The following RFX7 variants were observed in gnomAD, a reference collection of about 807,000 sequenced individuals.
RFX7 encodes the protein DNA-binding protein RFX7.
In RFX7, 26 loss-of-function variants were observed where a neutral mutation model predicts 111.8. That is an observed-to-expected ratio of 0.23 (90% CI 0.17 to 0.32). RFX7 has a LOEUF of 0.32. RFX7 is among the 10% of genes least tolerant of loss of function. The pLI, the probability that RFX7 is intolerant of heterozygous loss-of-function variation, is 1.00. For missense variants in RFX7, 1,573 were observed against 1,772.9 expected (o/e 0.89, Z 2.02); for synonymous variants, 624 against 624.4 (o/e 1.00, Z 0.01).
At chr15:56,186,006 C>T (rs2043034231) in intron 2 of RFX7, among the ~76,000 whole-genome samples, 1 of 152,068 alleles carries the variant, frequency 6.6e-6, no homozygotes, top group South Asian at 2.1e-4. Context: ...TTTAATGGTT[C>T]CAGACCAATT....
At chr15:56,173,492 G>T (rs1237231420) in intron 3 of RFX7, among the ~76,000 whole-genome samples, 1 of 152,154 alleles carries the variant, frequency 6.6e-6, no homozygotes, top group African/African-American at 2.4e-5. Context: ...AAATAAAATG[G>T]ACCACAGGCC....
rs889915400 is a variant in RFX7, at chr15:56,164,906, T to C, written c.195+14364A>G. 4.6e-5 allele frequency among the ~76,000 whole-genome samples: 7 copies of C among 152,238 alleles called. No individual in the cohort carries two copies. The South Asian group carries it at 8.3e-4, about 18-fold the overall frequency. On this transcript the variant is annotated intron_variant, in intron 3 of 9. Coordinates refer to ENST00000559447, the MANE Select transcript of RFX7 (RefSeq NM_022841.7). ...ACACTGTGCCAGTAGAGTTGGAAGG[T>C]AGAAAGAAAAAGTCTTTTAAAGCAA... is the stretch of plus-strand genomic sequence containing the variant.
chr15:56,106,318 G>T (rs1186252168), intron 5 of RFX7, among the ~76,000 whole-genome samples: 1 of 152,152 alleles, frequency 6.6e-6, no homozygotes, highest in African/African-American at 2.4e-5. Flanking sequence ...TACTCTGGTG[G>T]ATAAATATTA....
intron 2 of RFX7, among the ~76,000 whole-genome samples, chr15:56,190,802 T>C (rs1433913886): frequency 6.6e-6 from 1 of 151,884 alleles, no homozygotes; most frequent in East Asian, 1.9e-4. Context: ...AACTCTCTAA[T>C]ATGAAAGACA....
chr15:56,144,911 T>C lies in RFX7; in HGVS notation c.196-428A>G, dbSNP rs540867255. ...GCAAATTTTCTGTAGAACTATAAAATGAATGACATAATTTCTAGAATCCGT... is the reference window on the plus strand; with the variant it reads ...GCAAATTTTCTGTAGAACTATAAAACGAATGACATAATTTCTAGAATCCGT... On this transcript the variant is annotated intron_variant, in intron 3 of 9. Transcript: ENST00000559447. Among the ~76,000 whole-genome samples, 35 of 152,294 alleles carry C rather than the reference T, an allele frequency of 2.3e-4. No homozygotes were observed. The East Asian group carries it at 2.9e-3, about 13-fold the overall frequency.
chr15:56,204,552 G>T (rs1398856020), intron 2 of RFX7, among the ~76,000 whole-genome samples: 2 of 152,154 alleles, frequency 1.3e-5, no homozygotes, highest in African/African-American at 4.8e-5. Context: ...TGAGAATATT[G>T]TAGGCTAAAG....
rs2041602316 is a variant in RFX7, at chr15:56,092,029, T to A, written c.*1316A>T. On this transcript the variant is annotated 3_prime_UTR_variant, in exon 10 of 10. Coordinates refer to ENST00000559447, the MANE Select transcript of RFX7 (RefSeq NM_022841.7). Reference sequence around the variant, plus strand: ...ATCTTGAAACTCACTTAAATGGAGCTTTCAACCAGTGAGTAGGTTTGTGTC... The same window carrying A: ...ATCTTGAAACTCACTTAAATGGAGCATTCAACCAGTGAGTAGGTTTGTGTC... 1 of 152,330 alleles carries A rather than the reference T, an allele frequency of 6.6e-6. No individual in the cohort carries two copies. Among genetic ancestry groups the A allele is most frequent in the African/African-American group, 2.4e-5 (1 of 41,444 alleles). 9.4% of individuals were successfully genotyped at this position (152,330 alleles called of 1,614,324 possible).
At chr15:56,110,306 C>T (rs1322280401) in intron 5 of RFX7, among the ~76,000 whole-genome samples, 7 of 35,032 alleles carry the variant, frequency 2.0e-4, no homozygotes, top group Admixed American at 2.7e-4. Context: ...CCGCCCCGTC[C>T]GGGAGGGAGG....
Position 56,198,925 on chromosome 15 carries a change from C to T in RFX7, c.162-19622G>A, listed in dbSNP as rs536715039. On this transcript the variant is annotated intron_variant, in intron 2 of 9. Coordinates refer to ENST00000559447, the MANE Select transcript of RFX7 (RefSeq NM_022841.7). ...GCCTGTAACCCAGCACTTTGGGAGG[C>T]CAAGATGGAAGGATCACTTGAGGCC... 2.7e-3 allele frequency among the ~76,000 whole-genome samples: 412 copies of T among 151,808 alleles called. 5 individuals carry two copies. Among genetic ancestry groups the T allele is most frequent in the African/African-American group, 9.7e-3 (402 of 41,344 alleles).
intron 2 of RFX7, among the ~76,000 whole-genome samples, chr15:56,191,411 A>G (rs1413571910): frequency 6.6e-6 from 1 of 152,212 alleles, no homozygotes; most frequent in African/African-American, 2.4e-5. Context: ...CATTACTCCA[A>G]CTAGTTAAGA....
intron 2 of RFX7, chr15:56,193,084 T>C: frequency 4.0e-6 from 1 of 249,660 alleles, no homozygotes; most frequent in Non-Finnish European, 8.6e-6. Context: ...TTTTCTCAAT[T>C]CCCTCTTTAT....
At chr15:56,212,880 A>G (rs1314597472) in intron 2 of RFX7, among the ~76,000 whole-genome samples, 2 of 152,224 alleles carry the variant, frequency 1.3e-5, no homozygotes, top group African/African-American at 4.8e-5. Flanking sequence ...CAAATAGTAC[A>G]GATGTTTGTA....
At chr15:56,217,165 A>C (rs1185214501) in intron 2 of RFX7, among the ~76,000 whole-genome samples, 1 of 152,198 alleles carries the variant, frequency 6.6e-6, no homozygotes, top group Non-Finnish European at 1.5e-5. Context: ...TTGCTGCACT[A>C]TTTTAATAGT....
chr15:56,114,606 ATTG>A (rs1440191328), intron 5 of RFX7, among the ~76,000 whole-genome samples: 1 of 152,124 alleles, frequency 6.6e-6, no homozygotes, highest in Admixed American at 6.5e-5. Flanking sequence ...TTTGAAACTC[ATTG>A]ATAATGCTTT....
chr15:56,144,557 A>C (rs1595962916), intron 3 of RFX7, 74 bp from the exon 4 acceptor site: 1 of 655,594 alleles, frequency 1.5e-6, no homozygotes, highest in East Asian at 5.3e-5. Flanking sequence ...ATTTACTAAC[A>C]TCTCCCTAAA....
intron 5 of RFX7, among the ~76,000 whole-genome samples, chr15:56,135,322 T>C (rs1407098751): frequency 2.0e-5 from 3 of 152,198 alleles, no homozygotes; most frequent in Non-Finnish European, 2.9e-5. Context: ...TGGTGTGAGA[T>C]GGTATCTCAT....
intron 5 of RFX7, among the ~76,000 whole-genome samples, chr15:56,115,309 C>G (rs898318397): frequency 3.3e-5 from 5 of 152,110 alleles, no homozygotes; most frequent in African/African-American, 1.2e-4. Context: ...GCTGGGATTA[C>G]AGGGGTGAGC....
At chr15:56,212,396 G>C (rs1325310985) in intron 2 of RFX7, among the ~76,000 whole-genome samples, 1 of 152,120 alleles carries the variant, frequency 6.6e-6, no homozygotes, top group East Asian at 1.9e-4. Context: ...TTTTAGGGTA[G>C]TAAGCCTACT....
At chr15:56,158,458 T>G (rs2042680973) in intron 3 of RFX7, among the ~76,000 whole-genome samples, 1 of 152,160 alleles carries the variant, frequency 6.6e-6, no homozygotes. Context: ...TATAGAAAAT[T>G]TGATGTGGCA....
Sources: allele counts gnomAD v4.1 joint callset (sites outside exome capture counted in the v4.1 genomes callset), GRCh38; gene constraint gnomAD v4.1.1; transcripts MANE v1.5; gene names NCBI Gene and HGNC (gene_info 2026-07-23, HGNC 2026-07-21).